Variants in WWP2 observed in about 807,000 individuals in gnomAD.
WWP2 encodes the protein WW domain containing E3 ubiquitin protein ligase 2.
A neutral mutation model predicts 121.0 loss-of-function variants in WWP2; 57 were observed. That is an observed-to-expected ratio of 0.47 (90% CI 0.38 to 0.59). WWP2 has a LOEUF of 0.59. Among genes scored for constraint, WWP2 ranks in the 20% least tolerant of loss-of-function variants. The pLI is 0.00. For missense variants in WWP2, 962 were observed against 1,158.9 expected (o/e 0.83, Z 2.47); for synonymous variants, 449 against 441.3 (o/e 1.02, Z -0.22).
Position 69,925,807 on chromosome 16 carries a change from A to G in WWP2, c.1234+323A>G, listed in dbSNP as rs1390716383. On this transcript the variant is annotated intron_variant, in intron 11 of 23. Coordinates refer to ENST00000359154, the MANE Select transcript of WWP2 (RefSeq NM_001270454.2). The surrounding 1 kb of genome is among the most constrained non-coding windows in gnomAD (Gnocchi z 4.0). ...TTTCAAGGTGTCTACTCAAGAGTCC[A>G]TGCTACCACTAAGATATTTTGACAC... Among the ~76,000 whole-genome samples the G allele has an allele frequency of 1.3e-5, 2 of 152,210 alleles. No individual in the cohort carries two copies. The highest frequency in any genetic ancestry group is 2.9e-5 in the Non-Finnish European group (2 of 68,030).
intron 6 of WWP2, among the ~76,000 whole-genome samples, chr16:69,842,372 T>A (rs2056995599): frequency 6.6e-6 from 1 of 152,156 alleles, no homozygotes; most frequent in South Asian, 2.1e-4. Flanking sequence ...ATGTACAGGT[T>A]TGTTACATGG....
At chr16:69,928,222 T>G (rs2058666078) in intron 11 of WWP2, among the ~76,000 whole-genome samples, 1 of 152,176 alleles carries the variant, frequency 6.6e-6, no homozygotes, top group Non-Finnish European at 1.5e-5. Flanking sequence ...TATTTTTGTT[T>G]CTTTAATGCT....
chr16:69,815,981 A>G (rs1278377315), intron 4 of WWP2, among the ~76,000 whole-genome samples: 4 of 152,028 alleles, frequency 2.6e-5, no homozygotes, highest in Non-Finnish European at 5.9e-5. Flanking sequence ...TGGCAATTTT[A>G]AACTTAAATT....
intron 4 of WWP2, among the ~76,000 whole-genome samples, chr16:69,811,157 G>A (rs1054379440): frequency 2.0e-5 from 3 of 152,124 alleles, no homozygotes; most frequent in Non-Finnish European, 4.4e-5. Context: ...TACATTGTTA[G>A]CAGGTAGGGT....
At chr16:69,822,293 G>A (rs1270377638) in intron 4 of WWP2, among the ~76,000 whole-genome samples, 4 of 149,484 alleles carry the variant, frequency 2.7e-5, no homozygotes. Context: ...GCAGGGGCAG[G>A]GCCTGACGCT....
At chr16:69,884,236 T>C (rs1434338715) in intron 7 of WWP2, among the ~76,000 whole-genome samples, 2 of 152,358 alleles carry the variant, frequency 1.3e-5, no homozygotes, top group East Asian at 3.9e-4. Context: ...TATCTTAGAA[T>C]GTTCCCATAG....
intron 7 of WWP2, 94 bp from the exon 8 acceptor site, chr16:69,887,945 A>G (rs1405189571): frequency 2.1e-6 from 3 of 1,423,018 alleles, no homozygotes; most frequent in East Asian, 4.6e-5. Context: ...AACATTGTAG[A>G]TACCATGTTA....
chr16:69,823,086 G>A (rs1341887326), intron 4 of WWP2, among the ~76,000 whole-genome samples: 23 of 152,272 alleles, frequency 1.5e-4, no homozygotes, highest in Non-Finnish European at 1.9e-4. Flanking sequence ...AGCCAAGATC[G>A]CGCCACTGCA....
chr16:69,765,818 C>A (rs547743596), intron 1 of WWP2, among the ~76,000 whole-genome samples: 1 of 151,958 alleles, frequency 6.6e-6, no homozygotes, highest in Non-Finnish European at 1.5e-5. Context: ...AGTGAGACTC[C>A]GTCTTGCTTT....
At chr16:69,852,906 G>T (rs1260561266) in intron 6 of WWP2, among the ~76,000 whole-genome samples, 1 of 152,174 alleles carries the variant, frequency 6.6e-6, no homozygotes, top group African/African-American at 2.4e-5. Context: ...TTAGAACAGA[G>T]ATCTTATGGT....
rs145470126 is a variant in WWP2, at chr16:69,939,098, C to T, written c.2415C>T (p.Pro805=). 959 of 1,604,524 alleles carry T rather than the reference C, an allele frequency of 6.0e-4. No individual in the cohort carries two copies. Among genetic ancestry groups the T allele is most frequent in the Non-Finnish European group, 7.3e-4 (863 of 1,175,016 alleles). The change falls in exon 22 of 24, where the codon CCC becomes CCT. Residue 805 remains proline, a synonymous_variant. Transcript: ENST00000359154. The part of the protein sequence containing the change: ...LQFVTGTCRL[P]VGGFAELIGS... ...TTGTCACCGGTACCTGCCGCCTGCC[C>T]GTCGGGGGATTTGCCGAACTCATCG...
Position 69,917,900 on chromosome 16 carries a change from T to A in WWP2, c.1179+17T>A. Reference sequence around the variant, plus strand: ...CTCTACCAGGTGAGAGGGCAGGCGCTTGGCCCGAGGTGGGGCCGCCTCCCT... The same window carrying A: ...CTCTACCAGGTGAGAGGGCAGGCGCATGGCCCGAGGTGGGGCCGCCTCCCT... On this transcript the variant is annotated intron_variant, in intron 10 of 23. Transcript: ENST00000359154. 6.2e-7 allele frequency: 1 copy of A among 1,602,778 alleles called. No homozygotes were observed. The highest frequency in any genetic ancestry group is 8.5e-7 in the Non-Finnish European group (1 of 1,170,778).
intron 7 of WWP2, among the ~76,000 whole-genome samples, chr16:69,885,843 C>T (rs2057913496): frequency 6.6e-6 from 1 of 152,186 alleles, no homozygotes; most frequent in Non-Finnish European, 1.5e-5. Context: ...TGCACCTTTC[C>T]TGCACATGCT....
At chr16:69,890,279 T>C (rs2058003373) in intron 8 of WWP2, among the ~76,000 whole-genome samples, 1 of 152,182 alleles carries the variant, frequency 6.6e-6, no homozygotes, top group Admixed American at 6.5e-5. Context: ...TGCGCCACGC[T>C]ACCTAACTCC....
chr16:69,838,041 A>G (rs1597029958), intron 4 of WWP2, among the ~76,000 whole-genome samples: 1 of 152,184 alleles, frequency 6.6e-6, no homozygotes, highest in East Asian at 1.9e-4. Flanking sequence ...TGGGCAACAT[A>G]GTGAACCATG....
chr16:69,834,328 G>C (rs1251490759), intron 4 of WWP2, among the ~76,000 whole-genome samples: 1 of 152,016 alleles, frequency 6.6e-6, no homozygotes, highest in Non-Finnish European at 1.5e-5. Flanking sequence ...CCTCTGCCTA[G>C]AATGTTCTTC....
chr16:69,789,401 T>G (rs1311636861), intron 2 of WWP2, among the ~76,000 whole-genome samples: 1 of 152,132 alleles, frequency 6.6e-6, no homozygotes, highest in East Asian at 1.9e-4. Context: ...GGCTACTTTT[T>G]GTATATTTAG....
At chr16:69,865,176 A>G (rs2057498260) in intron 6 of WWP2, among the ~76,000 whole-genome samples, 1 of 152,028 alleles carries the variant, frequency 6.6e-6, no homozygotes, top group South Asian at 2.1e-4. Context: ...CAGCCTTCCA[A>G]GTAGCTGGGA....
chr16:69,863,685 C>G (rs1353253823), intron 6 of WWP2, among the ~76,000 whole-genome samples: 1 of 152,244 alleles, frequency 6.6e-6, no homozygotes, highest in Non-Finnish European at 1.5e-5. Flanking sequence ...CAGAAAGTTT[C>G]ATCACCCCAG....
Sources: allele counts gnomAD v4.1 joint callset (sites outside exome capture counted in the v4.1 genomes callset), GRCh38; gene constraint gnomAD v4.1.1; non-coding constraint Gnocchi (gnomAD v3.1); transcripts MANE v1.5; gene names NCBI Gene and HGNC (gene_info 2026-07-23, HGNC 2026-07-21).